Variants in CSMD1 observed in about 807,000 individuals in gnomAD.
CSMD1 encodes the protein CUB and Sushi multiple domains 1, also known as CUB and sushi domain-containing protein 1.
A neutral mutation model predicts 417.5 loss-of-function variants in CSMD1; 213 were observed. The ratio of observed to expected loss-of-function variants is 0.51; its 90% CI spans 0.46 to 0.57. CSMD1 has a LOEUF of 0.57. Ranked by LOEUF, CSMD1 falls within the 20% of genes least tolerant of loss-of-function variation. The pLI, the probability that CSMD1 is intolerant of heterozygous loss-of-function variation, is 0.00. For missense variants in CSMD1, 6,923 were observed against 4,529.7 expected, an observed-to-expected ratio of 1.53 and a Z score of -15.17; for synonymous variants, 2,862 against 1,736.8, an observed-to-expected ratio of 1.65 and a Z score of -16.11.
chr8:3,066,999 G>C (rs1343463896), intron 49 of CSMD1, among the ~76,000 whole-genome samples: 2 of 152,088 alleles, frequency 1.3e-5, no homozygotes, highest in Non-Finnish European at 2.9e-5. Flanking sequence ...ATCCACAAAG[G>C]CTTTCAGAGG....
intron 3 of CSMD1, among the ~76,000 whole-genome samples, chr8:4,161,312 G>C (rs967736722): frequency 6.6e-6 from 1 of 152,180 alleles, no homozygotes; most frequent in Non-Finnish European, 1.5e-5. Flanking sequence ...ATAAGAAACA[G>C]TAAGTGACAG....
chr8:3,293,155 C>T (rs1372952167), intron 25 of CSMD1, among the ~76,000 whole-genome samples: 4 of 152,076 alleles, frequency 2.6e-5, no homozygotes, highest in Admixed American at 2.0e-4. Context: ...AATATTGCCC[C>T]CACTCTCTTC....
intron 1 of CSMD1, among the ~76,000 whole-genome samples, chr8:4,974,295 G>C (rs937190702): frequency 2.0e-5 from 3 of 151,956 alleles, no homozygotes; most frequent in Non-Finnish European, 4.4e-5. Flanking sequence ...CAAAGTGCTG[G>C]GATTACAGGC....
chr8:4,019,501 G>A (rs1036304109), intron 4 of CSMD1, among the ~76,000 whole-genome samples: 1 of 152,202 alleles, frequency 6.6e-6, no homozygotes, highest in Non-Finnish European at 1.5e-5. Context: ...CCCATTGCAT[G>A]AATGTGAAGT....
intron 37 of CSMD1, among the ~76,000 whole-genome samples, chr8:3,164,446 AT>A (rs1305405301): frequency 8.5e-5 from 13 of 152,248 alleles, no homozygotes; most frequent in Admixed American, 8.5e-4. Context: ...GAAAAAATAT[AT>A]ACAATCACTT....
intron 1 of CSMD1, among the ~76,000 whole-genome samples, chr8:4,645,364 G>A (rs938262816): frequency 2.9e-5 from 4 of 137,646 alleles, no homozygotes; most frequent in Admixed American, 1.6e-4. Context: ...AGAAATTGTT[G>A]CATTAATGGT....
chr8:3,807,827 G>C (rs1186076445), intron 5 of CSMD1, among the ~76,000 whole-genome samples: 3 of 152,088 alleles, frequency 2.0e-5, no homozygotes, highest in Non-Finnish European at 4.4e-5. Flanking sequence ...TGAGATCCTA[G>C]CACATTTACA....
rs144221602 is a variant in CSMD1, at chr8:3,659,338, T to A, written c.1010-42541A>T. 1.3e-3 allele frequency among the ~76,000 whole-genome samples: 197 copies of A among 152,332 alleles called. 1 individual carries two copies. The highest frequency in any genetic ancestry group is 4.5e-3 in the African/African-American group (186 of 41,580). On this transcript the variant is annotated intron_variant, in intron 7 of 69. Coordinates refer to ENST00000635120, the MANE Select transcript of CSMD1 (RefSeq NM_033225.6). The stretch of plus-strand genomic sequence containing the variant: ...ATTGTTACAAAGAAACAAATTTTCA[T>A]TTTGCACTTGCCAATCTAGTTTACT...
chr8:3,316,995 G>C (rs1805815030), intron 23 of CSMD1, among the ~76,000 whole-genome samples: 1 of 152,188 alleles, frequency 6.6e-6, no homozygotes, highest in Non-Finnish European at 1.5e-5. Flanking sequence ...AGGCAAGAGT[G>C]TGTGCGTGGA....
At chr8:3,595,990 G>T (rs939870436) in intron 8 of CSMD1, among the ~76,000 whole-genome samples, 1 of 152,164 alleles carries the variant, frequency 6.6e-6, no homozygotes. Flanking sequence ...AAGCCCCTTT[G>T]CCTCCTTCCT....
chr8:4,896,347 T>C (rs935874902), intron 1 of CSMD1, among the ~76,000 whole-genome samples: 1 of 152,112 alleles, frequency 6.6e-6, no homozygotes, highest in Non-Finnish European at 1.5e-5. Context: ...ATCTGCATAT[T>C]TGAGCTTAAC....
At chr8:4,710,673 G>T (rs556747797) in intron 1 of CSMD1, among the ~76,000 whole-genome samples, 2 of 151,024 alleles carry the variant, frequency 1.3e-5, no homozygotes, top group Admixed American at 1.3e-4. Context: ...GTGAAACCCC[G>T]TCTCTACTAA....
At chr8:4,001,225 G>A (rs1266589572) in intron 4 of CSMD1, among the ~76,000 whole-genome samples, 3 of 152,100 alleles carry the variant, frequency 2.0e-5, no homozygotes, top group African/African-American at 7.2e-5. Context: ...GATTCTTCTG[G>A]GAAAACCTCT....
At chr8:3,410,460 C>A (rs906925697) in intron 12 of CSMD1, among the ~76,000 whole-genome samples, 1 of 152,084 alleles carries the variant, frequency 6.6e-6, no homozygotes, top group Non-Finnish European at 1.5e-5. Context: ...GCAGGTCTTT[C>A]CTGTGCTGTT....
intron 2 of CSMD1, among the ~76,000 whole-genome samples, chr8:4,463,499 G>T (rs779006668): frequency 6.6e-6 from 1 of 152,084 alleles, no homozygotes; most frequent in Non-Finnish European, 1.5e-5. Context: ...GCAAAAAGTG[G>T]AAACAATACA....
At chr8:4,152,941 A>G (rs1235493660) in intron 3 of CSMD1, among the ~76,000 whole-genome samples, 3 of 152,196 alleles carry the variant, frequency 2.0e-5, no homozygotes, top group African/African-American at 7.2e-5. Flanking sequence ...TCCTCTTCTC[A>G]AAATCTTAGA....
chr8:4,446,755 CTGTGTGT>C (rs1798825748), intron 2 of CSMD1, among the ~76,000 whole-genome samples: 2 of 133,020 alleles, frequency 1.5e-5, no homozygotes. Context: ...GTGTGTGTGT[CTGTGTGT>C]GTGTGTGTGT....
At chr8:4,198,918 G>A (rs1240044995) in intron 3 of CSMD1, among the ~76,000 whole-genome samples, 7 of 150,626 alleles carry the variant, frequency 4.6e-5, no homozygotes, top group African/African-American at 1.5e-4. Flanking sequence ...CTTCCACGCA[G>A]GTTTTTTTTG....
chr8:3,387,222 C>G (rs376551178), intron 18 of CSMD1, among the ~76,000 whole-genome samples: 286 of 152,248 alleles, frequency 1.9e-3, no homozygotes, highest in African/African-American at 6.7e-3. Context: ...CAATAAATAC[C>G]ATATGTAAAA....
Sources: gnomAD v4.1 joint callset for allele counts (sites outside exome capture counted in the v4.1 genomes callset) on GRCh38, gnomAD v4.1.1 for gene constraint, MANE v1.5 for transcripts, NCBI Gene and HGNC (gene_info 2026-07-23, HGNC 2026-07-21) for gene names.